Variants in AATK observed in about 807,000 individuals in gnomAD.
AATK encodes the protein lemur tail kinase 1, also known as serine/threonine-protein kinase LMTK1.
Under a neutral mutation model 114.3 loss-of-function variants are expected in AATK, and 91 were observed. The ratio of observed to expected loss-of-function variants is 0.80; its 90% confidence interval spans 0.67 to 0.95. The LOEUF (loss-of-function observed/expected upper bound fraction) is 0.95, where lower values mean the gene tolerates loss of function less well. Ranked by LOEUF, AATK falls within the 40% of genes least tolerant of loss-of-function variation. AATK has a pLI of 0.00. For synonymous variants in AATK, 1,075 were observed against 916.5 expected (o/e 1.17, Z -3.12); for missense variants, 2,176 against 1,965.2 (o/e 1.11, Z -2.03).
At position 81,131,186 on chromosome 17, in the gene AATK, C is replaced by T. The variant is rs200256250; in HGVS notation, c.209G>A (p.Gly70Glu). Residue 70 changes from glycine to glutamate, a missense_variant, in exon 3 of 14, where the codon GGG becomes GAG. By Grantham distance (98) the Gly-to-Glu change is moderately conservative. Transcript: ENST00000326724. Reference sequence around the variant, plus strand: ...CGCCAGGTCGGCTGCGTACTCGTCCCCCTCCGCATTCTCAAACTCCTGCGG... The same window carrying T: ...CGCCAGGTCGGCTGCGTACTCGTCCTCCTCCGCATTCTCAAACTCCTGCGG... Reference protein sequence around the residue: ...IGFKEFENAEGDEYAADLAQG... With the variant: ...IGFKEFENAEEDEYAADLAQG... The T allele has an allele frequency of 6.3e-7, 1 of 1,581,082 alleles. No homozygotes were observed. The highest frequency in any genetic ancestry group is 1.3e-5 in the African/African-American group (1 of 74,350).
Position 81,118,375 on chromosome 17 carries a change from C to G in AATK, c.*27G>C. The stretch of plus-strand genomic sequence containing the variant: ...CTGGCAGGGGCTCCGGTGACGCCAG[C>G]CTTGAGGGGCAGGAGCTGCCCAGGT... On this transcript the variant is annotated 3_prime_UTR_variant, in exon 14 of 14. Transcript: ENST00000326724. 4 of 1,597,364 alleles carry G rather than the reference C, an allele frequency of 2.5e-6. No homozygotes were observed. The highest frequency in any genetic ancestry group is 3.4e-6 in the Non-Finnish European group (4 of 1,173,094).
intron 1 of AATK, among the ~76,000 whole-genome samples, chr17:81,157,149 G>T (rs553537727): frequency 5.3e-5 from 8 of 152,352 alleles, no homozygotes; most frequent in African/African-American, 1.4e-4. Context: ...TAAGTCACAA[G>T]ACACCGCCCC....
At position 81,119,625 on chromosome 17, in the gene AATK, CCCGGCCCGGCCCCG is replaced by C. The variant is rs1231208018; in HGVS notation, c.3884-59_3884-46del. The C allele has an allele frequency of 2.0e-5, 30 of 1,512,746 alleles. 1 individual carries two copies. In the South Asian group the frequency reaches 2.8e-4, roughly 14 times the overall value. 93.7% of individuals were successfully genotyped at this position (1,512,746 alleles called of 1,614,324 possible). A position where few individuals can be genotyped will look rare whatever the true frequency, so the allele number is the denominator to read the frequency against. On this transcript the variant is annotated intron_variant, in intron 12 of 13. Transcript: ENST00000326724. ...GTCACTCGCGCTCACAGCCTGGGACCCCGGCCCGGCCCCGCTCCCACAGTCACGGGCCCAGGCCC... is the reference window on the plus strand; with the variant it reads ...GTCACTCGCGCTCACAGCCTGGGACCCTCCCACAGTCACGGGCCCAGGCCC...
Position 81,117,366 on chromosome 17 carries a change from T to TCAAA in AATK, c.*1032_*1035dup, listed in dbSNP as rs113732265. 3.3e-5 allele frequency: 5 copies of TCAAA among 152,424 alleles called. No individual in the cohort carries two copies. Among genetic ancestry groups the TCAAA allele is most frequent in the Admixed American group, 1.3e-4 (2 of 15,304 alleles). 9.4% of individuals were successfully genotyped at this position (152,424 alleles called of 1,614,324 possible). On this transcript the variant is annotated 3_prime_UTR_variant, in exon 14 of 14. Coordinates refer to ENST00000326724, the MANE Select transcript of AATK (RefSeq NM_001080395.3). ...AAACATTGCACCAGCGTTCTAAGCCTCAAACAAAACACAAAACAAATCCCC... is the reference window on the plus strand; with the variant it reads ...AAACATTGCACCAGCGTTCTAAGCCTCAAACAAACAAAACACAAAACAAATCCCC...
intron 1 of AATK, among the ~76,000 whole-genome samples, chr17:81,147,838 A>C (rs958145112): frequency 2.6e-5 from 4 of 152,200 alleles, no homozygotes; most frequent in African/African-American, 9.7e-5. Context: ...CAGGACTCCC[A>C]GGACCAGGGC....
Position 81,120,429 on chromosome 17 carries a change from G to C in AATK, c.3507C>G (p.Asp1169Glu). 1 of 1,579,444 alleles carries C rather than the reference G, an allele frequency of 6.3e-7. No individual in the cohort carries two copies. Among genetic ancestry groups the C allele is most frequent in the Non-Finnish European group, 8.6e-7 (1 of 1,159,484 alleles). Residue 1169 changes from aspartate (D) to glutamate (E), a missense_variant, in exon 11 of 14, where the codon GAC (aspartate) becomes GAG (glutamate). Coordinates refer to ENST00000326724, the MANE Select transcript of AATK (RefSeq NM_001080395.3). ...EEEEEDSEDS[D>E]ESDEELRCYS... Reference sequence around the variant, plus strand: ...AGCAGCGGAGCTCCTCGTCAGACTCGTCGCTGTCCTCACTGTCCTCCTCCT... The same window carrying C: ...AGCAGCGGAGCTCCTCGTCAGACTCCTCGCTGTCCTCACTGTCCTCCTCCT...
Position 81,121,003 on chromosome 17 carries a change from C to G in AATK, c.2933G>C (p.Arg978Pro). 1 of 1,610,446 alleles carries G rather than the reference C, an allele frequency of 6.2e-7. No individual in the cohort carries two copies. Among genetic ancestry groups the G allele is most frequent in the Non-Finnish European group, 8.5e-7 (1 of 1,179,026 alleles). The change falls in exon 11 of 14, where the codon CGG becomes CCG. Residue 978 changes from arginine to proline, a missense_variant. Transcript: ENST00000326724. The stretch of plus-strand genomic sequence containing the variant: ...GAGGCCACTGAGGGAGGTGGAGAGC[C>G]GTGTCTCGGGCCCGGGGCCCTCACC... Reference protein sequence around the residue: ...SEGEGPGPETRLSTSLSGLNE... With the variant: ...SEGEGPGPETPLSTSLSGLNE...
chr17:81,122,972 C>CA, intron 10 of AATK, 149 bp from the exon 11 acceptor site: 1 of 976,902 alleles, frequency 1.0e-6, no homozygotes, highest in Middle Eastern at 3.3e-4. Context: ...TCTGCCAAGG[C>CA]AAGCCCAGCA....
At chr17:81,152,888 G>A (rs2146395939) in intron 1 of AATK, among the ~76,000 whole-genome samples, 1 of 151,280 alleles carries the variant, frequency 6.6e-6, no homozygotes, top group African/African-American at 2.4e-5. Flanking sequence ...TGTCACCCAG[G>A]ATGGAATGCA....
chr17:81,124,729 C>T lies in AATK; in HGVS notation c.960G>A (p.Val320=), dbSNP rs1369036063. 2 of 1,612,678 alleles carry T rather than the reference C, an allele frequency of 1.2e-6. No individual in the cohort carries two copies. Among genetic ancestry groups the T allele is most frequent in the South Asian group, 1.1e-5 (1 of 91,084 alleles). ...LVVDQTKSGN[V]WSLGVTIWEL... Reference sequence around the variant, plus strand: ...GGTGCCACCAGGGCCGCACTCACCACACATTCCCGCTCTTGGTCTGGTCCA... The same window carrying T: ...GGTGCCACCAGGGCCGCACTCACCATACATTCCCGCTCTTGGTCTGGTCCA... Residue 320 remains valine (V), a splice_region_variant and synonymous_variant, in exon 9 of 14, where the codon GTG becomes GTA. Transcript: ENST00000326724.
At chr17:81,143,609 GCCT>G (rs992797298) in intron 1 of AATK, among the ~76,000 whole-genome samples, 3 of 151,598 alleles carry the variant, frequency 2.0e-5, no homozygotes, top group Non-Finnish European at 4.4e-5. Flanking sequence ...TGGTCCTCCA[GCCT>G]CCTCGACCCC....
In AATK at chr17:81,166,051, C is replaced by T. The variant is rs2061487063; in HGVS notation, c.-59G>A. ...GGCGCTGCGCTCAGGACGCCCGCGG[C>T]CCCGGCCCGAGCCGCCGCATCACCC... On this transcript the variant is annotated 5_prime_UTR_variant, in exon 1 of 14. Coordinates refer to ENST00000326724, the MANE Select transcript of AATK (RefSeq NM_001080395.3). The T allele has an allele frequency of 2.4e-6, 3 of 1,244,766 alleles. No individual in the cohort carries two copies. Among genetic ancestry groups the T allele is most frequent in the South Asian group, 2.5e-5 (1 of 40,312 alleles). 77.1% of individuals were successfully genotyped at this position (1,244,766 alleles called of 1,614,324 possible).
intron 1 of AATK, among the ~76,000 whole-genome samples, chr17:81,148,229 T>C (rs2061248249): frequency 6.6e-6 from 1 of 152,176 alleles, no homozygotes; most frequent in South Asian, 2.1e-4. Flanking sequence ...CGATGTATGA[T>C]TGTATTTGAT....
chr17:81,123,050 G>A (rs1187298504), intron 10 of AATK, 144 bp downstream of exon 10: 3 of 1,008,186 alleles, frequency 3.0e-6, no homozygotes, highest in Non-Finnish European at 4.0e-6. Flanking sequence ...GGGGTGCAGA[G>A]GTGGCGGGTG....
At chr17:81,138,571 C>A (rs1415055877) in intron 1 of AATK, among the ~76,000 whole-genome samples, 2 of 150,684 alleles carry the variant, frequency 1.3e-5, no homozygotes, top group African/African-American at 2.4e-5. Flanking sequence ...CATACCCCCA[C>A]ACGCACATAC....
intron 1 of AATK, among the ~76,000 whole-genome samples, chr17:81,143,226 C>A (rs142119068): frequency 1.1e-4 from 16 of 152,278 alleles, no homozygotes; most frequent in Admixed American, 2.6e-4. Flanking sequence ...GTGCACACGT[C>A]CCAGGCGGAA....
In AATK at chr17:81,120,828, C is replaced by G; in HGVS notation, c.3108G>C (p.Gln1036His). The G allele has an allele frequency of 6.3e-7, 1 of 1,577,682 alleles. No homozygotes were observed. Among genetic ancestry groups the G allele is most frequent in the Non-Finnish European group, 8.6e-7 (1 of 1,162,214 alleles). The change falls in exon 11 of 14, where the codon CAG becomes CAC. Residue 1036 changes from glutamine (Q) to histidine (H), a missense_variant. Physicochemically the swap from Gln to His is conservative, Grantham distance 24. Around this residue, in one of 4 missense-constraint regions of AATK, gnomAD observed 1,701 missense variants for 1,394.7 expected, o/e 1.22. Coordinates refer to ENST00000326724, the MANE Select transcript of AATK (RefSeq NM_001080395.3). ...CGGAAACCCCAGGCCTGAGACAGAC[C>G]TGCTCAGACGGCTGCCCAGTGCTCG... ...GLPSTGQPSEQVCLRPGVSGE... is the reference protein window; with the variant it reads ...GLPSTGQPSEHVCLRPGVSGE...
intron 12 of AATK, 98 bp from the exon 13 acceptor site, chr17:81,119,678 G>GC: frequency 1.2e-6 from 1 of 803,850 alleles, no homozygotes; most frequent in Non-Finnish European, 1.7e-6. Context: ...CTCCCATCAT[G>GC]TCACGGGCCC....
chr17:81,164,456 C>G lies in AATK; in HGVS notation c.55+1482G>C, dbSNP rs752108701. On this transcript the variant is annotated intron_variant, in intron 1 of 13. Transcript: ENST00000326724. Reference sequence around the variant, plus strand: ...GGCCCAGCATCTTGCAGAGGAGAGACGCCCCTTGCCTCCAACAACTTCTTT... The same window carrying G: ...GGCCCAGCATCTTGCAGAGGAGAGAGGCCCCTTGCCTCCAACAACTTCTTT... Among the ~76,000 whole-genome samples, 5 of 152,330 alleles carry G rather than the reference C, an allele frequency of 3.3e-5. No individual in the cohort carries two copies. The South Asian group carries it at 1.0e-3, about 32-fold the overall frequency.
Sources: allele counts gnomAD v4.1 joint callset (sites outside exome capture counted in the v4.1 genomes callset), GRCh38; gene constraint gnomAD v4.1.1; regional missense constraint gnomAD v4.1.1; transcripts MANE v1.5; gene names NCBI Gene and HGNC (gene_info 2026-07-23, HGNC 2026-07-21).